The following FBN2 variants were observed in gnomAD, a reference collection of about 807,000 sequenced individuals.
The protein encoded by FBN2 is fibrillin-2.
In FBN2, 105 loss-of-function variants were observed where a neutral mutation model predicts 355.6. The observed-to-expected ratio is 0.30, with a 90% CI of 0.25 to 0.35. The LOEUF is 0.35. Ranked by LOEUF, FBN2 falls within the 10% of genes least tolerant of loss-of-function variation. FBN2 has a pLI of 1.00. For missense variants in FBN2, 3,280 were observed against 3,758.7 expected, an observed-to-expected ratio of 0.87 and a Z score of 3.33; for synonymous variants, 1,350 against 1,301.2, an observed-to-expected ratio of 1.04 and a Z score of -0.81.
At chr5:128,395,337 C>G (rs1380025896) in intron 8 of FBN2, 63 bp from the exon 9 acceptor site, 3 of 1,568,696 alleles carry the variant, frequency 1.9e-6, no homozygotes, top group East Asian at 4.5e-5. Flanking sequence ...ACAACAATCA[C>G]TGTACATGAG....
chr5:128,484,811 G>A (rs895879485), intron 5 of FBN2, among the ~76,000 whole-genome samples: 2 of 152,134 alleles, frequency 1.3e-5, no homozygotes, highest in African/African-American at 4.8e-5. Flanking sequence ...TGGCAACAGG[G>A]CTGAGACTCA....
chr5:128,315,129 C>T (rs1044558951), intron 36 of FBN2, among the ~76,000 whole-genome samples: 1 of 151,990 alleles, frequency 6.6e-6, no homozygotes, highest in Non-Finnish European at 1.5e-5. Flanking sequence ...ATCCAAGGAA[C>T]CCTTTAATTT....
rs1581192331 is a variant in FBN2, at chr5:128,291,590, C to T, written c.6231G>A (p.Gly2077=). ...CAGGGGGGCAGAGGCACTGGAAGCCCCCTGGAGTATTAGTACAGGAACCAA... is the reference window on the plus strand; with the variant it reads ...CAGGGGGGCAGAGGCACTGGAAGCCTCCTGGAGTATTAGTACAGGAACCAA... ...CLFGSCTNTP[G]GFQCLCPPGF... The change falls in exon 49 of 65, where the codon GGG becomes GGA. Residue 2077 remains glycine (G), a synonymous_variant. Transcript: ENST00000262464. 2 of 1,613,514 alleles carry T rather than the reference C, an allele frequency of 1.2e-6. No individual in the cohort carries two copies. Among genetic ancestry groups the T allele is most frequent in the African/African-American group, 1.3e-5 (1 of 74,862 alleles).
Position 128,330,713 on chromosome 5 carries a change from A to G in FBN2, c.4223-18T>C, listed in dbSNP as rs1418092240. ...GTCCAGATCTGCAGAACACAGCAAT[A>G]AAGTTCAGAAATGAAAATGGAACAT... is the stretch of plus-strand genomic sequence containing the variant. On this transcript the variant is annotated intron_variant, in intron 32 of 64. Coordinates refer to ENST00000262464, the MANE Select transcript of FBN2 (RefSeq NM_001999.4). 1 of 1,613,660 alleles carries G rather than the reference A, an allele frequency of 6.2e-7. No individual in the cohort carries two copies. Among genetic ancestry groups the G allele is most frequent in the African/African-American group, 1.3e-5 (1 of 75,034 alleles).
chr5:128,535,362 C>T (rs1388891356), intron 2 of FBN2, among the ~76,000 whole-genome samples: 1 of 152,168 alleles, frequency 6.6e-6, no homozygotes, highest in Non-Finnish European at 1.5e-5. Context: ...GCCACTACAT[C>T]CTTATTATCC....
At chr5:128,457,181 C>A (rs1754416608) in intron 6 of FBN2, among the ~76,000 whole-genome samples, 1 of 151,918 alleles carries the variant, frequency 6.6e-6, no homozygotes, top group South Asian at 2.1e-4. Context: ...GCCAAATCGA[C>A]CAAGTGGAAG....
chr5:128,480,490 A>G (rs1755152363), intron 5 of FBN2, among the ~76,000 whole-genome samples: 1 of 152,110 alleles, frequency 6.6e-6, no homozygotes, highest in Non-Finnish European at 1.5e-5. Flanking sequence ...TATGATGTAG[A>G]TGTGTGAATA....
chr5:128,401,753 C>T (rs531931459), intron 8 of FBN2, among the ~76,000 whole-genome samples: 1 of 152,194 alleles, frequency 6.6e-6, no homozygotes, highest in East Asian at 1.9e-4. Flanking sequence ...TGCACTCCAG[C>T]CTGGTGACAA....
At chr5:128,363,137 C>T (rs1751680489) in intron 18 of FBN2, among the ~76,000 whole-genome samples, 1 of 152,044 alleles carries the variant, frequency 6.6e-6, no homozygotes, top group Non-Finnish European at 1.5e-5. Context: ...GACTGCATCA[C>T]AATTTTCTTT....
At position 128,369,287 on chromosome 5, in the gene FBN2, A is replaced by G. The variant is rs776717454; in HGVS notation, c.2143T>C (p.Cys715Arg). 5 of 1,614,018 alleles carry G rather than the reference A, an allele frequency of 3.1e-6. No homozygotes were observed. The highest frequency in any genetic ancestry group is 4.2e-6 in the Non-Finnish European group (5 of 1,179,906). ...ACTGCACCGGGGAAAGGACGCACACACACTCCTTTCTTGATTCCTCCATAG... is the reference window on the plus strand; with the variant it reads ...ACTGCACCGGGGAAAGGACGCACACGCACTCCTTTCTTGATTCCTCCATAG... ...TCYGGIKKGV[C>R]VRPFPGAVTK... Residue 715 changes from cysteine (C) to arginine (R), a missense_variant, in exon 16 of 65, where the codon TGT (cysteine) becomes CGT (arginine). Physicochemically the swap from Cys to Arg is radical, Grantham distance 180 (BLOSUM62 -3). Coordinates refer to ENST00000262464, the MANE Select transcript of FBN2 (RefSeq NM_001999.4).
chr5:128,362,863 A>C (rs1373928338), intron 18 of FBN2, among the ~76,000 whole-genome samples: 1 of 149,744 alleles, frequency 6.7e-6, no homozygotes, highest in Non-Finnish European at 1.5e-5. Context: ...TTTCACTTAA[A>C]GTTACATTTC....
intron 23 of FBN2, among the ~76,000 whole-genome samples, chr5:128,348,435 A>G (rs1175928385): frequency 6.6e-6 from 1 of 152,122 alleles, no homozygotes; most frequent in African/African-American, 2.4e-5. Context: ...CTTCCAATCC[A>G]GATTTAAATG....
At chr5:128,291,485 T>C (rs766780379) in intron 49 of FBN2, 44 bp downstream of exon 49, 3 of 1,609,058 alleles carry the variant, frequency 1.9e-6, no homozygotes, top group Non-Finnish European at 2.6e-6. Flanking sequence ...AGCTTTAAAG[T>C]TTCTAAGCGT....
chr5:128,487,906 A>G (rs1755381640), intron 5 of FBN2, among the ~76,000 whole-genome samples: 1 of 152,174 alleles, frequency 6.6e-6, no homozygotes, highest in Non-Finnish European at 1.5e-5. Flanking sequence ...TCATTAAAGG[A>G]GATTTCTTGA....
intron 5 of FBN2, among the ~76,000 whole-genome samples, chr5:128,509,255 T>G (rs2127149853): frequency 6.6e-6 from 1 of 152,304 alleles, no homozygotes; most frequent in Admixed American, 6.5e-5. Flanking sequence ...CAGAGCTCAC[T>G]TATGCTCTCC....
At chr5:128,296,285 G>C (rs1328709292) in intron 48 of FBN2, among the ~76,000 whole-genome samples, 1 of 151,776 alleles carries the variant, frequency 6.6e-6, no homozygotes, top group African/African-American at 2.4e-5. Flanking sequence ...CAAGGATATT[G>C]GTCTAAAATT....
At chr5:128,368,587 A>C (rs1157021628) in intron 16 of FBN2, among the ~76,000 whole-genome samples, 1 of 151,416 alleles carries the variant, frequency 6.6e-6, no homozygotes, top group Non-Finnish European at 1.5e-5. Context: ...TCACCATGAC[A>C]GCACAGATCA....
rs768348708 is a variant in FBN2, at chr5:128,464,944, A to C, written c.629-23T>G. On this transcript the variant is annotated intron_variant, in intron 5 of 64. Coordinates refer to ENST00000262464, the MANE Select transcript of FBN2 (RefSeq NM_001999.4). ...AATCTGGAATGTGGGAGAAGAAAGA[A>C]AGACAGGTTTTATGATCATATACTA... The C allele has an allele frequency of 3.7e-6, 6 of 1,611,048 alleles. No homozygotes were observed. The African/African-American group carries it at 8.0e-5, about 22-fold the overall frequency.
At chr5:128,513,680 GATCA>G (rs1424350325) in intron 5 of FBN2, among the ~76,000 whole-genome samples, 2 of 152,206 alleles carry the variant, frequency 1.3e-5, no homozygotes, top group Admixed American at 6.5e-5. Context: ...CTCCCAGGTA[GATCA>G]ATCAGTGAAT....
Sources: gnomAD v4.1 joint callset for allele counts (sites outside exome capture counted in the v4.1 genomes callset) on GRCh38, gnomAD v4.1.1 for gene constraint, MANE v1.5 for transcripts, NCBI Gene and HGNC (gene_info 2026-07-23, HGNC 2026-07-21) for gene names.